The following PBX3 variants were observed in gnomAD, a reference collection of about 807,000 sequenced individuals.
PBX3 encodes pre-B-cell leukemia transcription factor 3.
In PBX3, 14 loss-of-function variants were observed where a neutral mutation model predicts 48.5. That is an observed-to-expected ratio of 0.29 (90% CI 0.19 to 0.45). PBX3 has a LOEUF of 0.45. Ranked by LOEUF, PBX3 falls within the 20% of genes least tolerant of loss-of-function variation. PBX3 has a pLI of 1.00. For synonymous variants in PBX3, 210 were observed against 200.3 expected (o/e 1.05, Z -0.41); for missense variants, 386 against 546.7 (o/e 0.71, Z 2.93).
chr9:125,912,565 GTGTT>G (rs1841228655), intron 2 of PBX3, among the ~76,000 whole-genome samples: 1 of 152,076 alleles, frequency 6.6e-6, no homozygotes, highest in African/African-American at 2.4e-5. Flanking sequence ...ATGTTTTACT[GTGTT>G]TGTATGATTT....
chr9:125,788,478 T>G (rs1441921619), intron 2 of PBX3, among the ~76,000 whole-genome samples: 1 of 152,206 alleles, frequency 6.6e-6, no homozygotes, highest in African/African-American at 2.4e-5. Flanking sequence ...CGTTATAATT[T>G]GTTAATACAA....
intron 2 of PBX3, among the ~76,000 whole-genome samples, chr9:125,757,145 T>C (rs1264614021): frequency 6.6e-6 from 1 of 152,120 alleles, no homozygotes; most frequent in South Asian, 2.1e-4. Context: ...CATTAAAAAA[T>C]ATATATATTT....
intron 1 of PBX3, chr9:125,748,240 C>A: frequency 9.6e-7 from 1 of 1,040,428 alleles, no homozygotes; most frequent in Non-Finnish European, 1.2e-6. Context: ...CGCACCCGTC[C>A]CCTCCCCCGG....
intron 2 of PBX3, among the ~76,000 whole-genome samples, chr9:125,818,330 CT>C (rs879666640): frequency 1.9e-3 from 278 of 142,852 alleles, no homozygotes; most frequent in Middle Eastern, 3.6e-3. Context: ...CATAACCATA[CT>C]TTTTTTTTTT....
chr9:125,855,749 T>G (rs112034632), intron 2 of PBX3, among the ~76,000 whole-genome samples: 3,722 of 152,284 alleles, frequency 0.024, 66 homozygotes, highest in Middle Eastern at 0.051. Flanking sequence ...TAAAGTCTAA[T>G]AGAAAGCTTT....
intron 2 of PBX3, among the ~76,000 whole-genome samples, chr9:125,878,941 C>T (rs532079403): frequency 1.6e-4 from 25 of 151,778 alleles, no homozygotes; most frequent in African/African-American, 6.0e-4. Context: ...GACAACATCA[C>T]TAAAAGTGAG....
At chr9:125,905,534 C>CTTTGGATT (rs942551358) in intron 2 of PBX3, among the ~76,000 whole-genome samples, 4 of 151,636 alleles carry the variant, frequency 2.6e-5, no homozygotes, top group African/African-American at 9.7e-5. Context: ...TGAAAAATGT[C>CTTTGGATT]TTTGGATTTT....
chr9:125,792,226 A>G (rs772249942), intron 2 of PBX3, among the ~76,000 whole-genome samples: 11 of 152,180 alleles, frequency 7.2e-5, no homozygotes, highest in Non-Finnish European at 1.5e-4. Context: ...CAGAGGAGGT[A>G]GATTTTGAGC....
intron 2 of PBX3, among the ~76,000 whole-genome samples, chr9:125,781,256 G>A (rs1026510488): frequency 2.0e-5 from 3 of 151,452 alleles, no homozygotes; most frequent in Non-Finnish European, 4.4e-5. Context: ...ACCAGACTCC[G>A]TCTGTAATCC....
At chr9:125,942,514 G>T (rs973879788) in intron 5 of PBX3, among the ~76,000 whole-genome samples, 1 of 152,060 alleles carries the variant, frequency 6.6e-6, no homozygotes, top group African/African-American at 2.4e-5. Context: ...ATAAGAAGAA[G>T]CCCGTTAAAA....
intron 2 of PBX3, among the ~76,000 whole-genome samples, chr9:125,859,468 A>G (rs10986985): frequency 0.059 from 8,987 of 152,224 alleles, 605 homozygotes; most frequent in East Asian, 0.17. Flanking sequence ...CATGGACTTT[A>G]TGCTTATGTT....
intron 1 of PBX3, 94 bp from the exon 2 acceptor site, chr9:125,748,456 G>C: frequency 6.5e-7 from 1 of 1,541,180 alleles, no homozygotes; most frequent in Non-Finnish European, 8.8e-7. Context: ...AGAATGGGGG[G>C]CTGGAATTAA....
chr9:125,781,822 A>G (rs1588141520), intron 2 of PBX3, among the ~76,000 whole-genome samples: 1 of 151,776 alleles, frequency 6.6e-6, no homozygotes, highest in East Asian at 1.9e-4. Flanking sequence ...TTCTTAACGT[A>G]GGCATTTATG....
rs1841812626 is a variant in PBX3, at chr9:125,935,345, A to G, written c.708-127A>G. On this transcript the variant is annotated intron_variant, in intron 4 of 8. Coordinates refer to ENST00000373489, the MANE Select transcript of PBX3 (RefSeq NM_006195.6). Reference sequence around the variant, plus strand: ...TAGAACATAACGTATAATATCACAGAAATAAATTAGACCTTAAGGATGTTT... The same window carrying G: ...TAGAACATAACGTATAATATCACAGGAATAAATTAGACCTTAAGGATGTTT... The G allele has an allele frequency of 4.0e-6, 3 of 753,554 alleles. No homozygotes were observed. The African/African-American group carries it at 5.3e-5, about 13-fold the overall frequency. The allele number at this position is 753,554 out of a possible 1,614,324, so 46.7% of individuals were successfully genotyped here. A position where few individuals can be genotyped will look rare whatever the true frequency, so the allele number is the denominator to read the frequency against.
intron 2 of PBX3, among the ~76,000 whole-genome samples, chr9:125,827,547 A>G (rs936324875): frequency 5.3e-5 from 8 of 152,144 alleles, no homozygotes; most frequent in African/African-American, 1.4e-4. Flanking sequence ...ATGTGTATAT[A>G]TACACATATG....
Position 125,915,463 on chromosome 9 carries a change from T to TG in PBX3, c.275-216dup, listed in dbSNP as rs1016665857. Among the ~76,000 whole-genome samples, 17 of 151,942 alleles carry TG rather than the reference T, an allele frequency of 1.1e-4. 1 individual carries two copies. The highest frequency in any genetic ancestry group is 5.8e-4 in the East Asian group (3 of 5,188). ...TCTAGTCTGTGGTAAATTGAGGCGG[T>TG]GGGGGGGTATTTAAAATTCTAGGGT... On this transcript the variant is annotated intron_variant, in intron 2 of 8. Coordinates refer to ENST00000373489, the MANE Select transcript of PBX3 (RefSeq NM_006195.6).
intron 2 of PBX3, among the ~76,000 whole-genome samples, chr9:125,895,123 TAAG>T (rs1332323381): frequency 6.6e-6 from 1 of 152,094 alleles, no homozygotes; most frequent in Non-Finnish European, 1.5e-5. Flanking sequence ...TGTTAGAACT[TAAG>T]AAGTTTGTGT....
At chr9:125,851,526 T>G (rs1374423473) in intron 2 of PBX3, among the ~76,000 whole-genome samples, 3 of 152,128 alleles carry the variant, frequency 2.0e-5, no homozygotes, top group African/African-American at 7.2e-5. Flanking sequence ...TTAACACGTT[T>G]GTTGATAAAC....
chr9:125,912,228 C>G (rs781107403), intron 2 of PBX3, among the ~76,000 whole-genome samples: 7 of 152,056 alleles, frequency 4.6e-5, no homozygotes, highest in Non-Finnish European at 1.0e-4. Context: ...ATTAATGAAC[C>G]CTTAATGAGC....
Sources: gnomAD v4.1 joint callset for allele counts (sites outside exome capture counted in the v4.1 genomes callset) on GRCh38, gnomAD v4.1.1 for gene constraint, MANE v1.5 for transcripts, NCBI Gene and HGNC (gene_info 2026-07-23, HGNC 2026-07-21) for gene names.